Variants in LRP8 observed in about 807,000 individuals in gnomAD.
LRP8 encodes low-density lipoprotein receptor-related protein 8.
Under a neutral mutation model 111.6 loss-of-function variants are expected in LRP8, and 46 were observed. That is an observed-to-expected ratio of 0.41 (90% confidence interval 0.33 to 0.53). LRP8 has a LOEUF of 0.53. Among genes scored for constraint, LRP8 ranks in the 20% least tolerant of loss-of-function variants. The pLI, the probability that LRP8 is intolerant of heterozygous loss-of-function variation, is 0.20. For missense variants in LRP8, 959 were observed against 1,297.4 expected (o/e 0.74, Z 4.01); for synonymous variants, 464 against 511.2 (o/e 0.91, Z 1.24).
In LRP8 at chr1:53,275,723, T is replaced by C; in HGVS notation, c.914A>G (p.Gln305Arg). Reference protein sequence around the residue: ...PLGTCRGDEFQCGDGTCVLAI... With the variant: ...PLGTCRGDEFRCGDGTCVLAI... ...AAGGACACATGTCCCATCCCCACAC[T>C]GGAACTCGTCCCCACGGCAGGTGCC... is the stretch of plus-strand genomic sequence containing the variant. The change falls in exon 6 of 19, where the codon CAG (glutamine) becomes CGG (arginine). Residue 305 changes from glutamine to arginine, a missense_variant. Transcript: ENST00000306052. The surrounding 1 kb of genome is among the most constrained non-coding windows in gnomAD (Gnocchi z 4.4). 1 of 1,614,000 alleles carries C rather than the reference T, an allele frequency of 6.2e-7. No homozygotes were observed. The highest frequency in any genetic ancestry group is 2.2e-5 in the East Asian group (1 of 44,870).
intron 2 of LRP8, among the ~76,000 whole-genome samples, chr1:53,315,156 C>T (rs1653628436): frequency 6.6e-6 from 1 of 152,176 alleles, no homozygotes; most frequent in Non-Finnish European, 1.5e-5. Flanking sequence ...GCTCTGGGCT[C>T]ATTTCCTAAT....
At chr1:53,302,093 C>T (rs1651018813) in intron 2 of LRP8, among the ~76,000 whole-genome samples, 1 of 152,054 alleles carries the variant, frequency 6.6e-6, no homozygotes, top group South Asian at 2.1e-4. Flanking sequence ...GGGGAGGGCT[C>T]ACTGCCTGGA....
intron 13 of LRP8, among the ~76,000 whole-genome samples, chr1:53,259,258 C>T (rs1646233814): frequency 6.6e-6 from 1 of 152,142 alleles, no homozygotes; most frequent in Admixed American, 6.5e-5. Context: ...ACTATAGGCG[C>T]ATGCCACCAT....
At chr1:53,291,028 G>A (rs184572928) in intron 2 of LRP8, among the ~76,000 whole-genome samples, 145 of 152,302 alleles carry the variant, frequency 9.5e-4, no homozygotes, top group African/African-American at 3.3e-3. Context: ...ACAAGGTGAG[G>A]AAGAGAGCAC....
intron 2 of LRP8, among the ~76,000 whole-genome samples, chr1:53,295,473 C>A (rs926248272): frequency 6.6e-6 from 1 of 152,260 alleles, no homozygotes; most frequent in South Asian, 2.1e-4. Context: ...TGCCCAGGGA[C>A]CCATCCAGCC....
At chr1:53,270,940 C>T in intron 8 of LRP8, 88 bp downstream of exon 8, 4 of 1,586,376 alleles carry the variant, frequency 2.5e-6, no homozygotes, top group Non-Finnish European at 3.5e-6. Context: ...TGTGTGCGCA[C>T]ATGTACACGC....
chr1:53,302,553 C>T (rs1651126644), intron 2 of LRP8, among the ~76,000 whole-genome samples: 1 of 152,138 alleles, frequency 6.6e-6, no homozygotes, highest in East Asian at 1.9e-4. Flanking sequence ...CTGTTACACC[C>T]AGGGTTTTTG....
chr1:53,272,665 A>C, intron 6 of LRP8: 1 of 1,289,316 alleles, frequency 7.8e-7, no homozygotes, highest in Non-Finnish European at 1.0e-6. Context: ...GACCACAGCA[A>C]CTCCATGACT....
intron 2 of LRP8, among the ~76,000 whole-genome samples, chr1:53,326,520 G>C (rs1358096608): frequency 6.6e-6 from 1 of 152,262 alleles, no homozygotes; most frequent in Non-Finnish European, 1.5e-5. Context: ...GCCGAGGCAA[G>C]AGTCCGAGAG....
chr1:53,271,337 T>G lies in LRP8; in HGVS notation c.1016A>C (p.Glu339Ala). Reference sequence around the variant, plus strand: ...GCAGCCGCCATTGTTGTGCAGACACTCGTTCAGCCCTGGGGAGGGACATGG... The same window carrying G: ...GCAGCCGCCATTGTTGTGCAGACACGCGTTCAGCCCTGGGGAGGGACATGG... ...DEAGCLQGLN[E>A]CLHNNGGCSH... Residue 339 changes from glutamate to alanine, a missense_variant, in exon 7 of 19, where the codon GAG becomes GCG. This residue lies in a region of LRP8 where 819 missense variants were observed against 1,097.6 expected (regional missense o/e 0.75). Transcript: ENST00000306052. 1 of 1,613,900 alleles carries G rather than the reference T, an allele frequency of 6.2e-7. No individual in the cohort carries two copies. The highest frequency in any genetic ancestry group is 8.5e-7 in the Non-Finnish European group (1 of 1,179,976).
intron 14 of LRP8, 144 bp downstream of exon 14, chr1:53,258,175 A>C: frequency 3.9e-6 from 3 of 763,384 alleles, no homozygotes; most frequent in Non-Finnish European, 6.0e-6. Context: ...GAAGGTAAAA[A>C]AGAGAAACCC....
At position 53,247,065 on chromosome 1, in the gene LRP8, ACAAAC is replaced by A. The variant is rs1645748815; in HGVS notation, c.2854-14_2854-10del. The A allele has an allele frequency of 6.3e-7, 1 of 1,589,472 alleles. No homozygotes were observed. The highest frequency in any genetic ancestry group is 1.4e-5 in the African/African-American group (1 of 73,768). On this transcript the variant is annotated splice_polypyrimidine_tract_variant and intron_variant, in intron 18 of 18. Transcript: ENST00000306052. ...AGGCTTAATGCCACTCGCTGGGGAGACAAACCAAAGAATTCATCATTAGATCCATA... is the reference window on the plus strand; with the variant it reads ...AGGCTTAATGCCACTCGCTGGGGAGACAAAGAATTCATCATTAGATCCATA...
chr1:53,307,086 A>AG (rs1557850068), intron 2 of LRP8, among the ~76,000 whole-genome samples: 1 of 152,210 alleles, frequency 6.6e-6, no homozygotes, highest in Admixed American at 6.5e-5. Flanking sequence ...AATACTGAGT[A>AG]GGGGGGGTGG....
At chr1:53,326,656 C>T (rs989046988) in intron 2 of LRP8, among the ~76,000 whole-genome samples, 1 of 152,216 alleles carries the variant, frequency 6.6e-6, no homozygotes, top group African/African-American at 2.4e-5. Flanking sequence ...CGCCCCGGCC[C>T]CACCAGGACA....
In LRP8 at chr1:53,275,497, G is replaced by A. The variant is rs1646888929; in HGVS notation, c.1006+134C>T. The A allele has an allele frequency of 8.4e-7, 1 of 1,195,512 alleles. No individual in the cohort carries two copies. The highest frequency in any genetic ancestry group is 1.5e-5 in the South Asian group (1 of 67,654). 74.1% of individuals were successfully genotyped at this position (1,195,512 alleles called of 1,614,324 possible). Reference sequence around the variant, plus strand: ...ATGGAAAGGGAGCCAGGTGATTTAGGGGCAAGTGATGCTCTGGGGGAAAAT... The same window carrying A: ...ATGGAAAGGGAGCCAGGTGATTTAGAGGCAAGTGATGCTCTGGGGGAAAAT... On this transcript the variant is annotated intron_variant, in intron 6 of 18. Coordinates refer to ENST00000306052, the MANE Select transcript of LRP8 (RefSeq NM_004631.5). This position sits in a 1 kb window ranked among gnomAD's most constrained non-coding sequence, Gnocchi z 4.4.
At chr1:53,264,084 G>T in intron 10 of LRP8, 85 bp downstream of exon 10, 1 of 1,337,788 alleles carries the variant, frequency 7.5e-7, no homozygotes. Flanking sequence ...GAGCTTTCTA[G>T]AACCCTCAAG....
Position 53,257,269 on chromosome 1 carries a change from C to T in LRP8, c.2405G>A (p.Ser802Asn). 5 of 1,614,150 alleles carry T rather than the reference C, an allele frequency of 3.1e-6. No homozygotes were observed. Among genetic ancestry groups the T allele is most frequent in the African/African-American group, 1.3e-5 (1 of 75,030 alleles). Residue 802 changes from serine to asparagine, a missense_variant, in exon 15 of 19, where the codon AGC becomes AAC. Around this residue, in one of 3 missense-constraint regions of LRP8, gnomAD observed 819 missense variants for 1,097.6 expected, o/e 0.75. Coordinates refer to ENST00000306052, the MANE Select transcript of LRP8 (RefSeq NM_004631.5). ...CTGGGAGTGGTTGCTGGTTGCAGGGCTTAGGGTAGACGGGCTGATGCTGGG... is the reference window on the plus strand; with the variant it reads ...CTGGGAGTGGTTGCTGGTTGCAGGGTTTAGGGTAGACGGGCTGATGCTGGG... ...RAPSISPSTL[S>N]PATSNHSQHY...
At chr1:53,310,669 A>G (rs1288484) in intron 2 of LRP8, among the ~76,000 whole-genome samples, 68,051 of 151,974 alleles carry the variant, frequency 0.45, 15,917 homozygotes, top group East Asian at 0.69. Flanking sequence ...CCCTGTGGCA[A>G]GCCTGGGAGC....
intron 2 of LRP8, among the ~76,000 whole-genome samples, chr1:53,313,409 C>T (rs1432847841): frequency 4.8e-5 from 6 of 123,820 alleles, no homozygotes; most frequent in Non-Finnish European, 1.1e-4. Flanking sequence ...ACTCGGAGCC[C>T]AGAGGCACCC....
Sources: gnomAD v4.1 joint callset for allele counts (sites outside exome capture counted in the v4.1 genomes callset) on GRCh38, gnomAD v4.1.1 for gene constraint, gnomAD v4.1.1 regional missense constraint, Gnocchi (gnomAD v3.1) non-coding constraint, MANE v1.5 for transcripts, NCBI Gene and HGNC (gene_info 2026-07-23, HGNC 2026-07-21) for gene names.